Variants in PRKCB observed in about 807,000 individuals in gnomAD.
The protein encoded by PRKCB is protein kinase C beta.
A neutral mutation model predicts 81.5 loss-of-function variants in PRKCB; 13 were observed. The ratio of observed to expected loss-of-function variants is 0.16; its 90% confidence interval spans 0.10 to 0.25. The LOEUF (loss-of-function observed/expected upper bound fraction) is 0.25, where lower values mean the gene tolerates loss of function less well. Among genes scored for constraint, PRKCB ranks in the 10% least tolerant of loss-of-function variants. PRKCB has a pLI of 1.00. For synonymous variants in PRKCB, 335 were observed against 321.4 expected (o/e 1.04, Z -0.45); for missense variants, 509 against 875.7 (o/e 0.58, Z 5.29).
intron 2 of PRKCB, among the ~76,000 whole-genome samples, chr16:23,970,351 G>A (rs550301477): frequency 6.6e-6 from 1 of 152,332 alleles, no homozygotes; most frequent in South Asian, 2.1e-4. Flanking sequence ...TTGTCCCAGA[G>A]CACCACCTGG....
At chr16:24,102,855 C>T (rs1192872953) in intron 7 of PRKCB, among the ~76,000 whole-genome samples, 1 of 152,044 alleles carries the variant, frequency 6.6e-6, no homozygotes, top group African/African-American at 2.4e-5. Flanking sequence ...ATTTTTTCTT[C>T]TTTCGCCTGA....
At chr16:24,172,831 G>A (rs1967464861) in intron 11 of PRKCB, among the ~76,000 whole-genome samples, 1 of 152,032 alleles carries the variant, frequency 6.6e-6, no homozygotes, top group South Asian at 2.1e-4. Flanking sequence ...ATCTTCCTTG[G>A]GGATTATCAT....
At chr16:24,026,151 C>G (rs1036395822) in intron 3 of PRKCB, among the ~76,000 whole-genome samples, 2 of 152,122 alleles carry the variant, frequency 1.3e-5, no homozygotes, top group Non-Finnish European at 2.9e-5. Context: ...TAAAAATTAG[C>G]CAGGCATATG....
At chr16:24,021,213 T>C (rs1421347902) in intron 3 of PRKCB, among the ~76,000 whole-genome samples, 1 of 24,210 alleles carries the variant, frequency 4.1e-5, no homozygotes, top group Non-Finnish European at 7.5e-5. Flanking sequence ...TTTCTTTCTT[T>C]CTTTCTTTCT....
At chr16:24,106,948 A>G (rs1032667747) in intron 7 of PRKCB, among the ~76,000 whole-genome samples, 1 of 152,072 alleles carries the variant, frequency 6.6e-6, no homozygotes, top group East Asian at 1.9e-4. Flanking sequence ...CATGTTGTAA[A>G]TTAATTTTGG....
At chr16:24,049,083 A>G (rs1965805377) in intron 5 of PRKCB, among the ~76,000 whole-genome samples, 1 of 105,090 alleles carries the variant, frequency 9.5e-6, no homozygotes, top group African/African-American at 4.1e-5. Flanking sequence ...TTTTTGCAGA[A>G]AGACAGATTT....
chr16:24,179,089 A>T (rs1177464314), intron 12 of PRKCB, among the ~76,000 whole-genome samples: 1 of 152,204 alleles, frequency 6.6e-6, no homozygotes, highest in Non-Finnish European at 1.5e-5. Context: ...AACAACCCCA[A>T]TGTAAAATGC....
At chr16:24,187,433 T>G (rs1967719935) in intron 15 of PRKCB, among the ~76,000 whole-genome samples, 1 of 152,222 alleles carries the variant, frequency 6.6e-6, no homozygotes, top group South Asian at 2.1e-4. Flanking sequence ...ACTAAACAGC[T>G]GAATACTGTA....
intron 2 of PRKCB, chr16:23,869,048 G>A (rs947729961): frequency 2.2e-6 from 1 of 446,984 alleles, no homozygotes; most frequent in Non-Finnish European, 4.5e-6. Context: ...TCAATTATTT[G>A]CTCCCACCTC....
chr16:24,133,324 G>A (rs758057745), intron 9 of PRKCB, among the ~76,000 whole-genome samples: 1 of 152,178 alleles, frequency 6.6e-6, no homozygotes, highest in Non-Finnish European at 1.5e-5. Context: ...TCATCACTCT[G>A]TGCTTATTGG....
chr16:23,962,002 T>C (rs1964431873), intron 2 of PRKCB, among the ~76,000 whole-genome samples: 1 of 152,112 alleles, frequency 6.6e-6, no homozygotes, highest in Admixed American at 6.6e-5. Context: ...TGCTGTCACA[T>C]GAGGGGATGG....
intron 9 of PRKCB, among the ~76,000 whole-genome samples, chr16:24,137,336 A>G (rs913333000): frequency 1.3e-5 from 2 of 151,332 alleles, no homozygotes; most frequent in African/African-American, 2.4e-5. Flanking sequence ...CTACAAGTGC[A>G]TGCCATCGTG....
chr16:23,983,454 C>T (rs920218133), intron 2 of PRKCB, among the ~76,000 whole-genome samples: 1 of 152,130 alleles, frequency 6.6e-6, no homozygotes, highest in Non-Finnish European at 1.5e-5. Context: ...CCTAAAGTGA[C>T]CTTGTCAATG....
rs1192906884 is a variant in PRKCB at position 23,881,965 on chromosome 16, CCTTTCTTTCTTT to C, written c.205+44607_205+44618del. Among the ~76,000 whole-genome samples the C allele has an allele frequency of 5.1e-3, 355 of 70,118 alleles. 9 individuals carry two copies. Among genetic ancestry groups the C allele is most frequent in the South Asian group, 0.014 (22 of 1,542 alleles). The allele number at this position is 70,118 out of a possible 152,430, so 46.0% of individuals were successfully genotyped here. ...GCTGGTTTCTTCCTTTTTTTCTTTTCCTTTCTTTCTTTCTTTCTTTCTTTCTTTCTTTCTTTC... is the reference window on the plus strand; with the variant it reads ...GCTGGTTTCTTCCTTTTTTTCTTTTCCTTTCTTTCTTTCTTTCTTTCTTTC... On this transcript the variant is annotated intron_variant, in intron 2 of 16. Transcript: ENST00000643927.
intron 3 of PRKCB, among the ~76,000 whole-genome samples, chr16:24,002,640 G>A (rs1379296865): frequency 6.6e-6 from 1 of 152,074 alleles, no homozygotes; most frequent in East Asian, 1.9e-4. Flanking sequence ...CGCCTGGCCA[G>A]CATAGGTGTT....
chr16:24,048,729 A>T (rs184533298), intron 5 of PRKCB, among the ~76,000 whole-genome samples: 1 of 151,676 alleles, frequency 6.6e-6, no homozygotes, highest in Non-Finnish European at 1.5e-5. Context: ...TGATCTGCCC[A>T]CCTCGGCCCC....
intron 2 of PRKCB, among the ~76,000 whole-genome samples, chr16:23,979,227 A>G (rs1964662958): frequency 6.6e-6 from 1 of 152,258 alleles, no homozygotes; most frequent in South Asian, 2.1e-4. Context: ...ATTCAAGGTC[A>G]CACAGCTAAT....
intron 12 of PRKCB, chr16:24,174,799 C>T: frequency 2.1e-6 from 1 of 480,798 alleles, no homozygotes. Flanking sequence ...ACTGTGTCAC[C>T]AATGATGGTT....
chr16:23,923,413 A>G (rs1288415304), intron 2 of PRKCB, among the ~76,000 whole-genome samples: 1 of 152,068 alleles, frequency 6.6e-6, no homozygotes, highest in Non-Finnish European at 1.5e-5. Context: ...TTCTCTTGTT[A>G]TATCTCACAG....
Sources: gnomAD v4.1 joint callset for allele counts (sites outside exome capture counted in the v4.1 genomes callset) on GRCh38, gnomAD v4.1.1 for gene constraint, MANE v1.5 for transcripts, NCBI Gene and HGNC (gene_info 2026-07-23, HGNC 2026-07-21) for gene names.